Variants in SGTB observed in about 807,000 individuals in gnomAD.
The protein encoded by SGTB is small glutamine rich tetratricopeptide repeat co-chaperone beta.
Under a neutral mutation model 43.9 loss-of-function variants are expected in SGTB, and 19 were observed. The ratio of observed to expected loss-of-function variants is 0.43; its 90% CI spans 0.30 to 0.63. The LOEUF is 0.63. SGTB is among the 30% of genes least tolerant of loss of function. SGTB has a pLI of 0.12. For missense variants in SGTB, 304 were observed against 358.9 expected (o/e 0.85, Z 1.24); for synonymous variants, 116 against 117.3 (o/e 0.99, Z 0.07).
rs192568805 is a variant in SGTB, at chr5:65,714,862, G to T, written c.101-1798C>A. ...ATTAGATGACAAGGCACCTGAAATTGCATTTTTAAAAAGATTTAGACTTCA... is the reference window on the plus strand; with the variant it reads ...ATTAGATGACAAGGCACCTGAAATTTCATTTTTAAAAAGATTTAGACTTCA... On this transcript the variant is annotated intron_variant, in intron 2 of 10. Coordinates refer to ENST00000381007, the MANE Select transcript of SGTB (RefSeq NM_019072.3). Among the ~76,000 whole-genome samples the T allele has an allele frequency of 2.0e-4, 30 of 152,218 alleles. No individual in the cohort carries two copies. In the East Asian group the frequency reaches 5.0e-3, roughly 25 times the overall value.
chr5:65,677,961 A>G (rs1160918035), intron 8 of SGTB, among the ~76,000 whole-genome samples: 2 of 152,212 alleles, frequency 1.3e-5, no homozygotes, highest in African/African-American at 4.8e-5. Flanking sequence ...CATCACTCCT[A>G]TTCAACAAAT....
chr5:65,686,480 T>A (rs1757501244), intron 5 of SGTB, among the ~76,000 whole-genome samples: 1 of 152,070 alleles, frequency 6.6e-6, no homozygotes, highest in Non-Finnish European at 1.5e-5. Context: ...GCACTACTCT[T>A]GTTTTTGCTA....
chr5:65,670,442 C>G (rs1439640190), intron 10 of SGTB, 85 bp from the exon 11 acceptor site: 4 of 1,144,428 alleles, frequency 3.5e-6, no homozygotes, highest in African/African-American at 1.5e-5. Context: ...AATGTAGGAG[C>G]TACCTAAAGG....
chr5:65,719,277 T>C (rs538910651), intron 2 of SGTB, among the ~76,000 whole-genome samples: 16 of 152,166 alleles, frequency 1.1e-4, no homozygotes, highest in Non-Finnish European at 2.1e-4. Flanking sequence ...TTCTTCCAAA[T>C]GCACTCTCAC....
At chr5:65,721,337 G>A (rs1194497546) in intron 1 of SGTB, among the ~76,000 whole-genome samples, 1 of 152,206 alleles carries the variant, frequency 6.6e-6, no homozygotes, top group Non-Finnish European at 1.5e-5. Context: ...GGTGAGTGTC[G>A]TTCTTAATAA....
chr5:65,672,243 C>A lies in SGTB; in HGVS notation c.719+1G>T, dbSNP rs1264986760. On this transcript the variant is annotated splice_donor_variant, in intron 9 of 10. Transcript: ENST00000381007. LOFTEE classifies it high-confidence loss of function. ...GTAATAAGCTCTTTCTATATACTTA[C>A]AGCTGTTGAACTTGAGGGTTCTGCA... 6.2e-7 allele frequency: 1 copy of A among 1,614,060 alleles called. No homozygotes were observed. Among genetic ancestry groups the A allele is most frequent in the Admixed American group, 1.7e-5 (1 of 60,010 alleles).
At chr5:65,707,229 C>T (rs1443437880) in intron 4 of SGTB, among the ~76,000 whole-genome samples, 1 of 151,914 alleles carries the variant, frequency 6.6e-6, no homozygotes, top group Non-Finnish European at 1.5e-5. Flanking sequence ...TGCCACTGCA[C>T]TCCAGCCGAG....
intron 5 of SGTB, among the ~76,000 whole-genome samples, chr5:65,693,284 A>T (rs561073852): frequency 6.7e-6 from 1 of 150,150 alleles, no homozygotes; most frequent in Non-Finnish European, 1.5e-5. Flanking sequence ...AAGGAGAGAG[A>T]GCAAGGAAGG....
chr5:65,679,110 A>G (rs1013078730), intron 8 of SGTB, among the ~76,000 whole-genome samples: 1 of 152,238 alleles, frequency 6.6e-6, no homozygotes, highest in African/African-American at 2.4e-5. Context: ...ACAAAGGTCT[A>G]ATATCCTACA....
intron 2 of SGTB, among the ~76,000 whole-genome samples, chr5:65,718,457 G>A (rs1318607301): frequency 6.6e-6 from 1 of 152,162 alleles, no homozygotes; most frequent in East Asian, 1.9e-4. Flanking sequence ...TATTGCAATT[G>A]CCAAGAACTA....
chr5:65,710,954 C>T (rs1328856768), intron 3 of SGTB, among the ~76,000 whole-genome samples: 2 of 149,950 alleles, frequency 1.3e-5, no homozygotes, highest in Non-Finnish European at 3.0e-5. Flanking sequence ...TGAGATCATG[C>T]CACTGCATTC....
Position 65,683,998 on chromosome 5 carries a change from T to C in SGTB, c.479+1370A>G, listed in dbSNP as rs182132583. On this transcript the variant is annotated intron_variant, in intron 6 of 10. Transcript: ENST00000381007. ...ACAAAGATGAAACAGCAAGTACAGA[T>C]AACCATCAGGGGCAGAGAACGAGGA... 2.6e-5 allele frequency among the ~76,000 whole-genome samples: 4 copies of C among 151,496 alleles called. No homozygotes were observed. In the South Asian group the frequency reaches 6.3e-4, roughly 24 times the overall value.
At position 65,676,734 on chromosome 5, in the gene SGTB, G is replaced by C. The variant is rs192732913; in HGVS notation, c.681+3760C>G. Among the ~76,000 whole-genome samples the C allele has an allele frequency of 5.3e-5, 8 of 152,076 alleles. No individual in the cohort carries two copies. The East Asian group carries it at 1.4e-3, about 26-fold the overall frequency. On this transcript the variant is annotated intron_variant, in intron 8 of 10. Coordinates refer to ENST00000381007, the MANE Select transcript of SGTB (RefSeq NM_019072.3). ...CTTTTGGGTAAATAATAAAATTAAG[G>C]CAGAACTTCTTGAATGAGAAGAATG...
intron 5 of SGTB, among the ~76,000 whole-genome samples, chr5:65,703,596 G>A (rs1020181555): frequency 6.6e-6 from 1 of 152,112 alleles, no homozygotes; most frequent in African/African-American, 2.4e-5. Context: ...GTGTGCACCT[G>A]TAGTCCACCT....
intron 3 of SGTB, among the ~76,000 whole-genome samples, chr5:65,709,761 TG>T (rs1758009877): frequency 1.3e-5 from 2 of 152,134 alleles, no homozygotes; most frequent in Admixed American, 1.3e-4. Context: ...CCACCACACC[TG>T]GGTAATTTTT....
chr5:65,701,869 G>A (rs1160867500), intron 5 of SGTB, among the ~76,000 whole-genome samples: 1 of 152,142 alleles, frequency 6.6e-6, no homozygotes, highest in Non-Finnish European at 1.5e-5. Flanking sequence ...TCCTGACCTC[G>A]TGATCCGCCC....
chr5:65,705,130 T>C (rs939650478), intron 4 of SGTB, among the ~76,000 whole-genome samples: 1 of 152,220 alleles, frequency 6.6e-6, no homozygotes, highest in African/African-American at 2.4e-5. Context: ...TAGTGTCCTC[T>C]GCACTTGTAA....
chr5:65,708,627 T>G (rs1757982490), intron 3 of SGTB, 69 bp from the exon 4 acceptor site: 4 of 1,161,844 alleles, frequency 3.4e-6, no homozygotes, highest in Non-Finnish European at 4.8e-6. Flanking sequence ...GTACTATAAA[T>G]AAATAATAAA....
intron 5 of SGTB, among the ~76,000 whole-genome samples, chr5:65,702,452 C>G (rs891179570): frequency 6.6e-6 from 1 of 152,192 alleles, no homozygotes; most frequent in Non-Finnish European, 1.5e-5. Flanking sequence ...TGAACCCATA[C>G]AAAAGCCAGA....
Sources: gnomAD v4.1 joint callset for allele counts (sites outside exome capture counted in the v4.1 genomes callset) on GRCh38, gnomAD v4.1.1 for gene constraint, MANE v1.5 for transcripts, NCBI Gene and HGNC (gene_info 2026-07-23, HGNC 2026-07-21) for gene names.